Variants in FUT8 observed in about 807,000 individuals in gnomAD.
FUT8 encodes the protein alpha-(1,6)-fucosyltransferase.
Under a neutral mutation model 71.3 loss-of-function variants are expected in FUT8, and 29 were observed. That is an observed-to-expected ratio of 0.41 (90% confidence interval 0.30 to 0.55). The LOEUF (loss-of-function observed/expected upper bound fraction) is 0.55, where lower values mean the gene tolerates loss of function less well. Among genes scored for constraint, FUT8 ranks in the 20% least tolerant of loss-of-function variants. The pLI is 0.34. For missense variants in FUT8, 544 were observed against 702.1 expected (o/e 0.77, Z 2.55); for synonymous variants, 254 against 239.3 (o/e 1.06, Z -0.57).
intron 2 of FUT8, among the ~76,000 whole-genome samples, chr14:65,535,685 T>A (rs1449755990): frequency 6.6e-6 from 1 of 152,164 alleles, no homozygotes; most frequent in African/African-American, 2.4e-5. Flanking sequence ...TTGCTGAGAA[T>A]TGTTTTTTGT....
At chr14:65,613,528 T>C (rs994965804) in intron 3 of FUT8, among the ~76,000 whole-genome samples, 2 of 152,232 alleles carry the variant, frequency 1.3e-5, no homozygotes, top group Non-Finnish European at 2.9e-5. Flanking sequence ...TTTTTTATTA[T>C]TCGCTTTGTG....
chr14:65,508,027 T>TTTTGA (rs1882042303), intron 2 of FUT8, among the ~76,000 whole-genome samples: 1 of 152,066 alleles, frequency 6.6e-6, no homozygotes, highest in Admixed American at 6.5e-5. Flanking sequence ...CTCATTGTAG[T>TTTTGA]TTTGATTTGC....
At chr14:65,497,666 ACATT>A (rs1270576812) in intron 2 of FUT8, among the ~76,000 whole-genome samples, 6 of 152,040 alleles carry the variant, frequency 3.9e-5, no homozygotes, top group East Asian at 3.8e-4. Flanking sequence ...ATGGGTGGTG[ACATT>A]CATTCAGCTA....
At chr14:65,407,203 T>C (rs8005892), upstream of FUT8, among the ~76,000 whole-genome samples, 10,002 of 152,282 alleles carry the variant, frequency 0.066, 374 homozygotes, top group Admixed American at 0.11. Context: ...AGTAATATAC[T>C]GGCTCAATAC....
chr14:65,674,472 T>C (rs978508463), intron 7 of FUT8, among the ~76,000 whole-genome samples: 2 of 152,206 alleles, frequency 1.3e-5, no homozygotes, highest in Non-Finnish European at 2.9e-5. Context: ...AGTTATCCTT[T>C]TATTCTGAGA....
intron 2 of FUT8, among the ~76,000 whole-genome samples, chr14:65,539,521 C>G (rs1884550346): frequency 6.6e-6 from 1 of 152,188 alleles, no homozygotes; most frequent in African/African-American, 2.4e-5. Context: ...GGCTCTACTA[C>G]TTAAAAGTAT....
chr14:65,619,288 A>G (rs1007935442), intron 5 of FUT8, among the ~76,000 whole-genome samples: 1 of 152,108 alleles, frequency 6.6e-6, no homozygotes, highest in Non-Finnish European at 1.5e-5. Context: ...CCTGGTAGAA[A>G]TCGCATTTCT....
At chr14:65,715,011 TATC>T (rs1242959763) in intron 7 of FUT8, among the ~76,000 whole-genome samples, 2 of 152,226 alleles carry the variant, frequency 1.3e-5, no homozygotes, top group Non-Finnish European at 2.9e-5. Flanking sequence ...TGTAGTGTCA[TATC>T]ATGTGCAAAC....
At chr14:65,712,301 T>A (rs903360316) in intron 7 of FUT8, among the ~76,000 whole-genome samples, 1 of 152,238 alleles carries the variant, frequency 6.6e-6, no homozygotes, top group Non-Finnish European at 1.5e-5. Context: ...GTAACATTCA[T>A]GATTTATGGA....
chr14:65,742,276 G>A lies in FUT8; in HGVS notation c.1594G>A (p.Ala532Thr). The change falls in exon 11 of 11, where the codon GCT becomes ACT. Residue 532 changes from alanine to threonine, a missense_variant. Physicochemically the swap from Ala to Thr is moderately conservative, Grantham distance 58 (BLOSUM62 0). Coordinates refer to ENST00000673929, the MANE Select transcript of FUT8 (RefSeq NM_001371533.1). ...PMEPGDIIGV[A>T]GNHWDGYSKG... The stretch of plus-strand genomic sequence containing the variant: ...GGAACCTGGAGATATCATTGGTGTG[G>A]CTGGAAATCATTGGGATGGCTATTC... The A allele has an allele frequency of 6.2e-7, 1 of 1,613,086 alleles. No individual in the cohort carries two copies. Among genetic ancestry groups the A allele is most frequent in the East Asian group, 2.2e-5 (1 of 44,844 alleles).
In FUT8 at chr14:65,574,464, C is replaced by T. The variant is rs189979241; in HGVS notation, c.203+12698C>T. On this transcript the variant is annotated intron_variant, in intron 3 of 10. Coordinates refer to ENST00000673929, the MANE Select transcript of FUT8 (RefSeq NM_001371533.1). This position sits in a 1 kb window ranked among gnomAD's most constrained non-coding sequence, Gnocchi z 5.2. ...TGTTTTTAACATGTTTTATTGTGCT[C>T]GATAATAACATCAAAGTTTTCATTG... is the stretch of plus-strand genomic sequence containing the variant. Among the ~76,000 whole-genome samples, 11 of 152,004 alleles carry T rather than the reference C, an allele frequency of 7.2e-5. No individual in the cohort carries two copies. The highest frequency in any genetic ancestry group is 1.3e-4 in the Non-Finnish European group (9 of 67,980).
chr14:65,660,982 A>G lies in FUT8; in HGVS notation c.598-8261A>G, dbSNP rs1379368147. On this transcript the variant is annotated intron_variant, in intron 6 of 10. Coordinates refer to ENST00000673929, the MANE Select transcript of FUT8 (RefSeq NM_001371533.1). The surrounding 1 kb of genome is among the most constrained non-coding windows in gnomAD (Gnocchi z 4.1). ...TACCAGCACAAAGCTAGATATTGCA[A>G]ATCTTTTTAAACAAATAAAAACTGT... Among the ~76,000 whole-genome samples, 1 of 152,210 alleles carries G rather than the reference A, an allele frequency of 6.6e-6. No homozygotes were observed. Among genetic ancestry groups the G allele is most frequent in the Non-Finnish European group, 1.5e-5 (1 of 68,040 alleles).
In FUT8 at chr14:65,610,194, C is replaced by A. The variant is rs192152898; in HGVS notation, c.204-5784C>A. Among the ~76,000 whole-genome samples the A allele has an allele frequency of 7.2e-5, 11 of 151,924 alleles. 1 individual carries two copies. The highest frequency in any genetic ancestry group is 2.6e-4 in the Admixed American group (4 of 15,212). On this transcript the variant is annotated intron_variant, in intron 3 of 10. Coordinates refer to ENST00000673929, the MANE Select transcript of FUT8 (RefSeq NM_001371533.1). ...AATTTGAATGCCTTTGTTTCTTTTT[C>A]TTGCCTTGGTCTACTGGCTAGAATT...
chr14:65,692,188 GTTCCC>G (rs1893651027), intron 7 of FUT8, among the ~76,000 whole-genome samples: 2 of 151,612 alleles, frequency 1.3e-5, no homozygotes, highest in South Asian at 2.1e-4. Context: ...CCGGGCAGAG[GTTCCC>G]CTCACCTCCC....
chr14:65,539,504 G>C (rs972742821), intron 2 of FUT8, among the ~76,000 whole-genome samples: 2 of 152,172 alleles, frequency 1.3e-5, no homozygotes, highest in Admixed American at 6.5e-5. Flanking sequence ...GTAGGGATTT[G>C]AATCCTGGCT....
intron 7 of FUT8, among the ~76,000 whole-genome samples, chr14:65,689,448 G>A (rs1247016742): frequency 6.6e-6 from 1 of 152,150 alleles, no homozygotes; most frequent in Non-Finnish European, 1.5e-5. Context: ...ATATAAAGTT[G>A]AGTTGAGTTG....
rs1003620371 is a variant in FUT8, at chr14:65,467,719, C to G, written c.-228+12001C>G. 1.6e-5 allele frequency: 7 copies of G among 445,474 alleles called. No homozygotes were observed. The highest frequency in any genetic ancestry group is 6.8e-4 in the Middle Eastern group (1 of 1,464). 27.6% of individuals were successfully genotyped at this position (445,474 alleles called of 1,614,324 possible). A position where few individuals can be genotyped will look rare whatever the true frequency, so the allele number is the denominator to read the frequency against. On this transcript the variant is annotated intron_variant, in intron 2 of 10. Transcript: ENST00000673929. This position sits in a 1 kb window ranked among gnomAD's most constrained non-coding sequence, Gnocchi z 4.1. ...TCGAACTCCTGACCTCATGGTCTGCCCGCCTCAGCCTCCCAAAGTGCTGGG... is the reference window on the plus strand; with the variant it reads ...TCGAACTCCTGACCTCATGGTCTGCGCGCCTCAGCCTCCCAAAGTGCTGGG...
rs1396571033 is a variant in FUT8 at position 65,550,105 on chromosome 14, T to C, written c.-227-11232T>C. Among the ~76,000 whole-genome samples the C allele has an allele frequency of 6.6e-6, 1 of 151,888 alleles. No individual in the cohort carries two copies. The highest frequency in any genetic ancestry group is 1.5e-5 in the Non-Finnish European group (1 of 67,964). On this transcript the variant is annotated intron_variant, in intron 2 of 10. Coordinates refer to ENST00000673929, the MANE Select transcript of FUT8 (RefSeq NM_001371533.1). The surrounding 1 kb of genome is among the most constrained non-coding windows in gnomAD (Gnocchi z 4.5). Reference sequence around the variant, plus strand: ...CAAAAAAGTTTACTTGGTTCCCAGCTTTGCAGTCTGTAGGAGAAGCATAAT... The same window carrying C: ...CAAAAAAGTTTACTTGGTTCCCAGCCTTGCAGTCTGTAGGAGAAGCATAAT...
chr14:65,679,845 G>A (rs1892952671), intron 7 of FUT8, among the ~76,000 whole-genome samples: 1 of 152,088 alleles, frequency 6.6e-6, no homozygotes, highest in Non-Finnish European at 1.5e-5. Flanking sequence ...ACAAACTATG[G>A]TCCTCAGACC....
Sources: allele counts gnomAD v4.1 joint callset (sites outside exome capture counted in the v4.1 genomes callset), GRCh38; gene constraint gnomAD v4.1.1; non-coding constraint Gnocchi (gnomAD v3.1); transcripts MANE v1.5; gene names NCBI Gene and HGNC (gene_info 2026-07-23, HGNC 2026-07-21).